Variants in GPC6 observed in about 807,000 individuals in gnomAD.
The protein encoded by GPC6 is glypican-6.
GPC6 carries 14 observed loss-of-function variants against 55.2 expected under a neutral mutation model. The ratio of observed to expected loss-of-function variants is 0.25; its 90% confidence interval spans 0.17 to 0.40. The LOEUF (loss-of-function observed/expected upper bound fraction) is 0.40, where lower values mean the gene tolerates loss of function less well. Among genes scored for constraint, GPC6 ranks in the 10% least tolerant of loss-of-function variants. GPC6 has a pLI of 1.00. For missense variants in GPC6, 641 were observed against 708.5 expected, an observed-to-expected ratio of 0.90 and a Z score of 1.08; for synonymous variants, 278 against 259.6, an observed-to-expected ratio of 1.07 and a Z score of -0.68.
At chr13:93,960,189 G>A (rs1384008144) in intron 3 of GPC6, among the ~76,000 whole-genome samples, 1 of 152,176 alleles carries the variant, frequency 6.6e-6, no homozygotes, top group Non-Finnish European at 1.5e-5. Flanking sequence ...TGTGGTCCTA[G>A]TCTTTCTAGA....
intron 3 of GPC6, among the ~76,000 whole-genome samples, chr13:93,991,039 G>A (rs1390340870): frequency 6.6e-6 from 1 of 152,184 alleles, no homozygotes; most frequent in East Asian, 1.9e-4. Flanking sequence ...ATTTTTAAAA[G>A]CTTATTACTT....
At chr13:93,555,430 A>G (rs1875410609) in intron 2 of GPC6, among the ~76,000 whole-genome samples, 1 of 152,192 alleles carries the variant, frequency 6.6e-6, no homozygotes, top group African/African-American at 2.4e-5. Context: ...CAACCTGTGC[A>G]GTCTCAAGGG....
At chr13:94,347,709 T>C (rs1157017863) in intron 6 of GPC6, among the ~76,000 whole-genome samples, 1 of 152,218 alleles carries the variant, frequency 6.6e-6, no homozygotes, top group Non-Finnish European at 1.5e-5. Flanking sequence ...TCAAAAGTGA[T>C]GAAAAGGTAC....
At chr13:93,816,993 C>T (rs996691570) in intron 2 of GPC6, among the ~76,000 whole-genome samples, 17 of 152,134 alleles carry the variant, frequency 1.1e-4, no homozygotes, top group Admixed American at 3.3e-4. Flanking sequence ...CTAATTGTGC[C>T]TACTCACAAT....
chr13:94,342,461 C>T (rs1441409486), intron 6 of GPC6, among the ~76,000 whole-genome samples: 1 of 152,046 alleles, frequency 6.6e-6, no homozygotes, highest in African/African-American at 2.4e-5. Flanking sequence ...GTGATGCAGC[C>T]GTCGGTCAAA....
At chr13:94,318,734 G>A (rs1204576292) in intron 6 of GPC6, among the ~76,000 whole-genome samples, 1 of 152,016 alleles carries the variant, frequency 6.6e-6, no homozygotes, top group Non-Finnish European at 1.5e-5. Flanking sequence ...ATATTAAATG[G>A]AAAATTCTAG....
At chr13:93,978,718 A>G (rs1297912528) in intron 3 of GPC6, among the ~76,000 whole-genome samples, 1 of 152,126 alleles carries the variant, frequency 6.6e-6, no homozygotes, top group African/African-American at 2.4e-5. Flanking sequence ...TCCTTCTCTC[A>G]ACTGAGGTTT....
intron 1 of GPC6, among the ~76,000 whole-genome samples, chr13:93,263,755 ATTACAAACCACACTATAGTTAATGTCC>A (rs1438573819): frequency 6.6e-6 from 1 of 152,168 alleles, no homozygotes; most frequent in Non-Finnish European, 1.5e-5. Flanking sequence ...TTTTGTCTTT[ATTACAAACCACACTATAGTTAATGTCC>A]TTACACGTGC....
At chr13:93,226,575 A>G (rs1382905749), upstream of GPC6, 1 of 152,238 alleles carries the variant, frequency 6.6e-6, no homozygotes, top group East Asian at 1.9e-4. Context: ...CTCCATAAAA[A>G]TACAGCTTAA....
At position 94,405,658 on chromosome 13, in the gene GPC6, A is replaced by G. The variant is rs1267274582; in HGVS notation, c.*2441A>G. ...CATGTTCTATACGCACTAAACACAC[A>G]GTTAATATATAAACGCCTGCTTCAT... On this transcript the variant is annotated 3_prime_UTR_variant, in exon 9 of 9. Transcript: ENST00000377047. 6.6e-6 allele frequency: 1 copy of G among 152,178 alleles called. No homozygotes were observed. The highest frequency in any genetic ancestry group is 1.5e-5 in the Non-Finnish European group (1 of 68,008). The allele number at this position is 152,178 out of a possible 1,614,324, so 9.4% of individuals were successfully genotyped here.
At chr13:93,560,067 A>G (rs1594267230) in intron 2 of GPC6, among the ~76,000 whole-genome samples, 1 of 152,146 alleles carries the variant, frequency 6.6e-6, no homozygotes, top group African/African-American at 2.4e-5. Flanking sequence ...CTCAATAAAA[A>G]CAGTGCAACA....
intron 1 of GPC6, among the ~76,000 whole-genome samples, chr13:93,433,777 G>A (rs573452245): frequency 9.2e-5 from 14 of 152,238 alleles, no homozygotes; most frequent in East Asian, 1.9e-4. Flanking sequence ...GAGGAAAACC[G>A]TAATCATAAC....
At chr13:94,240,377 A>G (rs1891017510) in intron 4 of GPC6, among the ~76,000 whole-genome samples, 1 of 152,128 alleles carries the variant, frequency 6.6e-6, no homozygotes, top group African/African-American at 2.4e-5. Context: ...ACACATATTC[A>G]TAATCAGATT....
chr13:93,559,314 T>C (rs1875637403), intron 2 of GPC6, among the ~76,000 whole-genome samples: 1 of 152,198 alleles, frequency 6.6e-6, no homozygotes, highest in Admixed American at 6.5e-5. Flanking sequence ...ATTTCATGTG[T>C]TATACTTGTA....
intron 3 of GPC6, among the ~76,000 whole-genome samples, chr13:93,883,011 C>T (rs950215019): frequency 4.6e-5 from 7 of 151,924 alleles, no homozygotes; most frequent in Non-Finnish European, 7.4e-5. Context: ...TTGAATCTCT[C>T]GTATTTTCTT....
rs544856391 is a variant in GPC6, at chr13:93,573,188, G to C, written c.319+27767G>C. Among the ~76,000 whole-genome samples the C allele has an allele frequency of 2.0e-5, 3 of 152,046 alleles. No homozygotes were observed. In the South Asian group the frequency reaches 6.2e-4, roughly 32 times the overall value. On this transcript the variant is annotated intron_variant, in intron 2 of 8. Coordinates refer to ENST00000377047, the MANE Select transcript of GPC6 (RefSeq NM_005708.5). ...TTGGATAGGTTATATTATATTCAGG[G>C]ATACAGATGGTATGTGATGAACACT...
intron 1 of GPC6, among the ~76,000 whole-genome samples, chr13:93,488,638 C>T (rs1879828046): frequency 2.6e-5 from 4 of 152,104 alleles, no homozygotes; most frequent in Admixed American, 2.6e-4. Context: ...CCTGTTGTTT[C>T]CTGACTTTTT....
chr13:94,193,553 TG>T (rs1889467706), intron 4 of GPC6, among the ~76,000 whole-genome samples: 1 of 152,038 alleles, frequency 6.6e-6, no homozygotes, highest in African/African-American at 2.4e-5. Flanking sequence ...AAACAGAACC[TG>T]GTGAGCATGC....
chr13:93,264,961 CT>C (rs929339123), intron 1 of GPC6, among the ~76,000 whole-genome samples: 3 of 152,030 alleles, frequency 2.0e-5, no homozygotes, highest in South Asian at 2.1e-4. Flanking sequence ...TTCACCAACA[CT>C]TTTTTTATAA....
Sources: gnomAD v4.1 joint callset for allele counts (sites outside exome capture counted in the v4.1 genomes callset) on GRCh38, gnomAD v4.1.1 for gene constraint, MANE v1.5 for transcripts, NCBI Gene and HGNC (gene_info 2026-07-23, HGNC 2026-07-21) for gene names.